Variants in PLXDC1 observed in about 807,000 individuals in gnomAD.
PLXDC1 encodes the protein plexin domain-containing protein 1.
In PLXDC1, 39 loss-of-function variants were observed where a neutral mutation model predicts 61.3. The observed-to-expected ratio is 0.64, with a 90% CI of 0.49 to 0.83. PLXDC1 has a LOEUF of 0.83. Among genes scored for constraint, PLXDC1 ranks in the 40% least tolerant of loss-of-function variants. The pLI is 0.00. For missense variants in PLXDC1, 596 were observed against 666.5 expected, an observed-to-expected ratio of 0.89 and a Z score of 1.17; for synonymous variants, 212 against 254.5, an observed-to-expected ratio of 0.83 and a Z score of 1.59.
At chr17:39,128,177 A>ATG (rs1911410452) in intron 2 of PLXDC1, among the ~76,000 whole-genome samples, 1 of 130,938 alleles carries the variant, frequency 7.6e-6, no homozygotes, top group Non-Finnish European at 1.6e-5. Context: ...ATATATGTAT[A>ATG]TATATATGTG....
chr17:39,119,659 C>T (rs1203727068), intron 2 of PLXDC1, among the ~76,000 whole-genome samples: 1 of 152,076 alleles, frequency 6.6e-6, no homozygotes, highest in African/African-American at 2.4e-5. Flanking sequence ...GCAGGAGAAT[C>T]GTTTGAGCCT....
At chr17:39,103,154 G>A (rs1910483641) in intron 7 of PLXDC1, among the ~76,000 whole-genome samples, 1 of 151,598 alleles carries the variant, frequency 6.6e-6, no homozygotes, top group Non-Finnish European at 1.5e-5. Flanking sequence ...GGTGGAGCTT[G>A]CAGTGAGCTG....
chr17:39,092,137 G>C (rs1167454399), intron 7 of PLXDC1, among the ~76,000 whole-genome samples: 2 of 151,880 alleles, frequency 1.3e-5, no homozygotes, highest in Non-Finnish European at 2.9e-5. Flanking sequence ...GGAGTGTAAT[G>C]GCGCAATCAC....
At chr17:39,128,165 A>ATATATATATGTGTATATG (rs1911406422) in intron 2 of PLXDC1, among the ~76,000 whole-genome samples, 5 of 99,146 alleles carry the variant, frequency 5.0e-5, no homozygotes, top group Non-Finnish European at 7.6e-5. Context: ...ATATATATGT[A>ATATATATATGTGTATATG]TATATATGTA....
chr17:39,077,761 G>T, intron 11 of PLXDC1, 152 bp downstream of exon 11: 2 of 683,140 alleles, frequency 2.9e-6, no homozygotes, highest in Non-Finnish European at 2.5e-6. Context: ...GACCTAAACT[G>T]TCTGAACTTC....
chr17:39,088,943 G>GAAAAAAAAAAAAAAAAA (rs56714275), intron 7 of PLXDC1, among the ~76,000 whole-genome samples: 2 of 63,912 alleles, frequency 3.1e-5, no homozygotes, highest in Non-Finnish European at 5.7e-5. Context: ...GAGCAAGACT[G>GAAAAAAAAAAAAAAAAA]AAAAAAAAAA....
At chr17:39,108,459 G>A (rs1294879021) in intron 4 of PLXDC1, 2 of 587,798 alleles carry the variant, frequency 3.4e-6, no homozygotes, top group South Asian at 2.0e-5. Flanking sequence ...CCTTCAGCAG[G>A]GCACAGACTA....
intron 2 of PLXDC1, among the ~76,000 whole-genome samples, chr17:39,119,980 C>T (rs1227795821): frequency 1.3e-5 from 2 of 151,944 alleles, no homozygotes; most frequent in Admixed American, 6.6e-5. Context: ...TCATTGTAAC[C>T]CCTCCCTTTT....
At chr17:39,133,109 G>A (rs1249267742) in intron 2 of PLXDC1, among the ~76,000 whole-genome samples, 2 of 152,154 alleles carry the variant, frequency 1.3e-5, no homozygotes, top group Non-Finnish European at 2.9e-5. Flanking sequence ...AGCTGTCAGA[G>A]GCATGGGAGA....
intron 11 of PLXDC1, among the ~76,000 whole-genome samples, chr17:39,076,251 G>T (rs1221795139): frequency 1.3e-5 from 2 of 152,078 alleles, no homozygotes; most frequent in Non-Finnish European, 2.9e-5. Context: ...GCTTAGGCCT[G>T]TAATCCCAGC....
At chr17:39,094,091 T>G (rs1265926114) in intron 7 of PLXDC1, among the ~76,000 whole-genome samples, 1 of 152,164 alleles carries the variant, frequency 6.6e-6, no homozygotes, top group Non-Finnish European at 1.5e-5. Context: ...GGCACCTTTT[T>G]GTAATTCACA....
intron 7 of PLXDC1, among the ~76,000 whole-genome samples, chr17:39,090,357 G>C (rs1909899938): frequency 2.0e-5 from 3 of 152,118 alleles, no homozygotes; most frequent in African/African-American, 7.2e-5. Context: ...TGTCTGAAAT[G>C]CTGGTGCCCC....
At chr17:39,071,562 G>C (rs1567752225) in intron 12 of PLXDC1, among the ~76,000 whole-genome samples, 1 of 152,188 alleles carries the variant, frequency 6.6e-6, no homozygotes, top group Non-Finnish European at 1.5e-5. Flanking sequence ...GGAGGACTGA[G>C]GTGAAATGCC....
chr17:39,150,485 C>CT (rs1266808871), intron 1 of PLXDC1, among the ~76,000 whole-genome samples: 5 of 152,158 alleles, frequency 3.3e-5, no homozygotes, highest in African/African-American at 1.2e-4. Context: ...GCTGAGGGGC[C>CT]AGGCTGCAAA....
intron 13 of PLXDC1, among the ~76,000 whole-genome samples, chr17:39,068,762 T>A (rs1908996364): frequency 6.6e-6 from 1 of 152,210 alleles, no homozygotes; most frequent in Non-Finnish European, 1.5e-5. Flanking sequence ...TTCCCAGGTG[T>A]TACCCAGGTA....
At position 39,083,486 on chromosome 17, in the gene PLXDC1, T is replaced by C; in HGVS notation, c.962A>G (p.Asn321Ser). The C allele has an allele frequency of 1.2e-6, 2 of 1,613,970 alleles. No homozygotes were observed. The highest frequency in any genetic ancestry group is 1.7e-6 in the Non-Finnish European group (2 of 1,179,938). Residue 321 changes from asparagine (N) to serine (S), a missense_variant, in exon 9 of 14, where the codon AAC (asparagine) becomes AGC (serine). Physicochemically the swap from Asn to Ser is conservative, Grantham distance 46. Coordinates refer to ENST00000315392, the MANE Select transcript of PLXDC1 (RefSeq NM_020405.5). ...DACMSSDLTF[N>S]CSWCHVLQRC... The stretch of plus-strand genomic sequence containing the variant: ...CTGGAGGACATGGCACCAGCTGCAG[T>C]TGAAGGTCAGGTCTGAGGACATGCA...
At chr17:39,136,166 C>T (rs1232753675) in intron 2 of PLXDC1, among the ~76,000 whole-genome samples, 1 of 152,088 alleles carries the variant, frequency 6.6e-6, no homozygotes, top group African/African-American at 2.4e-5. Flanking sequence ...CCATGGCAGT[C>T]CTGCTCCTTG....
chr17:39,084,078 G>A (rs1192411590), intron 8 of PLXDC1, among the ~76,000 whole-genome samples: 1 of 152,150 alleles, frequency 6.6e-6, no homozygotes, highest in Admixed American at 6.5e-5. Context: ...GAACTGTCAC[G>A]AGGTCTATGA....
chr17:39,093,394 G>A (rs1477503531), intron 7 of PLXDC1, among the ~76,000 whole-genome samples: 1 of 152,136 alleles, frequency 6.6e-6, no homozygotes. Context: ...AATTTACCGA[G>A]CCCAGTTGTT....
Sources: allele counts gnomAD v4.1 joint callset (sites outside exome capture counted in the v4.1 genomes callset), GRCh38; gene constraint gnomAD v4.1.1; transcripts MANE v1.5; gene names NCBI Gene and HGNC (gene_info 2026-07-23, HGNC 2026-07-21).